The following IQSEC1 variants were observed in gnomAD, a reference collection of about 807,000 sequenced individuals.
The protein encoded by IQSEC1 is IQ motif and Sec7 domain ArfGEF 1.
Under a neutral mutation model 91.0 loss-of-function variants are expected in IQSEC1, and 31 were observed. That is an observed-to-expected ratio of 0.34 (90% CI 0.26 to 0.46). IQSEC1 has a LOEUF of 0.46. IQSEC1 is among the 20% of genes least tolerant of loss of function. The pLI is 1.00. For missense variants in IQSEC1, 1,388 were observed against 1,575.6 expected (o/e 0.88, Z 2.02); for synonymous variants, 699 against 662.6 (o/e 1.05, Z -0.84).
Position 12,899,817 on chromosome 3 carries a change from G to T in IQSEC1, c.*1166C>A, listed in dbSNP as rs576045174. On this transcript the variant is annotated 3_prime_UTR_variant, in exon 14 of 14. Transcript: ENST00000613206. The stretch of plus-strand genomic sequence containing the variant: ...TCTCTGAGGGCTTCGGCCTGGTGTG[G>T]GTTGGAGGCGGGATGAGGACGTTAT... 2.0e-6 allele frequency: 2 copies of T among 985,396 alleles called. No individual in the cohort carries two copies. Among genetic ancestry groups the T allele is most frequent in the East Asian group, 1.1e-4 (1 of 8,810 alleles). The allele number at this position is 985,396 out of a possible 1,614,324, so 61.0% of individuals were successfully genotyped here.
At chr3:13,173,467 C>T (rs2125004488) in intron 1 of IQSEC1, among the ~76,000 whole-genome samples, 1 of 152,354 alleles carries the variant, frequency 6.6e-6, no homozygotes, top group East Asian at 1.9e-4. Context: ...CCAGAGCAGA[C>T]TTGGCTGGCC....
intron 1 of IQSEC1, among the ~76,000 whole-genome samples, chr3:13,051,915 C>A (rs1232323538): frequency 6.6e-6 from 1 of 152,012 alleles, no homozygotes; most frequent in Non-Finnish European, 1.5e-5. Context: ...AAAAAAAAAA[C>A]TGTTTATTTT....
At chr3:12,917,166 C>T (rs1037438404) in intron 6 of IQSEC1, among the ~76,000 whole-genome samples, 15 of 152,312 alleles carry the variant, frequency 9.8e-5, no homozygotes, top group African/African-American at 3.4e-4. Context: ...CCCTGCCCCC[C>T]GACACTCATA....
At position 12,979,200 on chromosome 3, in the gene IQSEC1, C is replaced by G. The variant is rs1264788227; in HGVS notation, c.24-37335G>C. Among the ~76,000 whole-genome samples, 1 of 152,190 alleles carries G rather than the reference C, an allele frequency of 6.6e-6. No individual in the cohort carries two copies. Among genetic ancestry groups the G allele is most frequent in the Non-Finnish European group, 1.5e-5 (1 of 68,044 alleles). On this transcript the variant is annotated intron_variant, in intron 1 of 13. Coordinates refer to ENST00000613206, the MANE Select transcript of IQSEC1 (RefSeq NM_001134382.3). The surrounding 1 kb of genome is among the most constrained non-coding windows in gnomAD (Gnocchi z 4.3). Reference sequence around the variant, plus strand: ...TTATATCTGCTCCACAAGTGAAAAGCCAGCCTCACTAAGCATAAATTGAAT... The same window carrying G: ...TTATATCTGCTCCACAAGTGAAAAGGCAGCCTCACTAAGCATAAATTGAAT...
chr3:13,200,947 C>T (rs1456484193), intron 1 of IQSEC1, among the ~76,000 whole-genome samples: 5 of 152,186 alleles, frequency 3.3e-5, no homozygotes, highest in Non-Finnish European at 7.3e-5. Context: ...CACCTGGAAA[C>T]AGAAGTATCA....
At chr3:13,272,956 A>G (rs2125147652) in intron 1 of IQSEC1, among the ~76,000 whole-genome samples, 1 of 152,358 alleles carries the variant, frequency 6.6e-6, no homozygotes, top group Non-Finnish European at 1.5e-5. Flanking sequence ...CTGATTCTAA[A>G]TTCCATGACT....
At chr3:13,248,370 T>A (rs1695141147) in intron 1 of IQSEC1, among the ~76,000 whole-genome samples, 1 of 152,168 alleles carries the variant, frequency 6.6e-6, no homozygotes, top group African/African-American at 2.4e-5. Flanking sequence ...CCTGGCCTCA[T>A]CCCCACCTCC....
chr3:13,203,164 TAC>T (rs10533324), intron 1 of IQSEC1, among the ~76,000 whole-genome samples: 89,611 of 147,778 alleles, frequency 0.61, 27,643 homozygotes, highest in African/African-American at 0.75. Flanking sequence ...TTACCACTAC[TAC>T]ACACACACAC....
chr3:12,920,297 T>C, intron 6 of IQSEC1, 133 bp downstream of exon 6: 2 of 872,728 alleles, frequency 2.3e-6, no homozygotes, highest in South Asian at 3.1e-5. Context: ...GGCCCCTCCA[T>C]GCCAGACCCT....
At chr3:12,960,914 T>G (rs1010517301) in intron 1 of IQSEC1, among the ~76,000 whole-genome samples, 20 of 152,234 alleles carry the variant, frequency 1.3e-4, no homozygotes, top group Admixed American at 3.3e-4. Context: ...TGTTCCCATT[T>G]GACAGGCAAG....
intron 5 of IQSEC1, among the ~76,000 whole-genome samples, chr3:12,921,258 G>A (rs1696605917): frequency 1.3e-5 from 2 of 152,138 alleles, no homozygotes; most frequent in African/African-American, 4.8e-5. Context: ...CAGGAGCCCA[G>A]CTTAGTGCCC....
chr3:13,029,583 T>C (rs1299335766), intron 1 of IQSEC1, among the ~76,000 whole-genome samples: 1 of 152,260 alleles, frequency 6.6e-6, no homozygotes, highest in Non-Finnish European at 1.5e-5. Context: ...TTTGTTGTGC[T>C]GAGAGGCCTC....
At chr3:13,253,082 C>T (rs1483678471) in intron 1 of IQSEC1, among the ~76,000 whole-genome samples, 1 of 152,206 alleles carries the variant, frequency 6.6e-6, no homozygotes, top group East Asian at 1.9e-4. Context: ...TGTGAGGTTG[C>T]TTCTCGCTGT....
chr3:13,260,734 C>A (rs376434243), intron 1 of IQSEC1, among the ~76,000 whole-genome samples: 1 of 152,016 alleles, frequency 6.6e-6, no homozygotes, highest in South Asian at 2.1e-4. Flanking sequence ...ACCTTGGTGC[C>A]GGCTCCACAG....
chr3:13,072,455 C>G (rs1705467431), intron 1 of IQSEC1, among the ~76,000 whole-genome samples: 1 of 152,244 alleles, frequency 6.6e-6, no homozygotes, highest in Admixed American at 6.5e-5. Flanking sequence ...GCCCAGCACA[C>G]AGCCGCTCTG....
At chr3:13,146,827 C>CT (rs1559264202) in intron 2 of IQSEC1, among the ~76,000 whole-genome samples, 2 of 152,158 alleles carry the variant, frequency 1.3e-5, no homozygotes, top group African/African-American at 2.4e-5. Flanking sequence ...GAGTGAGACT[C>CT]TGTCCCTGCT....
At chr3:13,113,043 T>C (rs894759287) in intron 2 of IQSEC1, among the ~76,000 whole-genome samples, 1 of 152,228 alleles carries the variant, frequency 6.6e-6, no homozygotes, top group African/African-American at 2.4e-5. Flanking sequence ...AGAGCTGCTC[T>C]GGGAGCTGCT....
chr3:12,974,601 C>T (rs1438379162), intron 1 of IQSEC1, among the ~76,000 whole-genome samples: 2 of 152,206 alleles, frequency 1.3e-5, no homozygotes, highest in East Asian at 1.9e-4. Flanking sequence ...AGCCTTCCTG[C>T]AGGATTCAAG....
At chr3:13,034,636 G>A (rs972172958) in intron 1 of IQSEC1, among the ~76,000 whole-genome samples, 6 of 152,126 alleles carry the variant, frequency 3.9e-5, no homozygotes, top group South Asian at 2.1e-4. Context: ...CCCGTGACTC[G>A]CACTAGGAGA....
Sources: gnomAD v4.1 joint callset for allele counts (sites outside exome capture counted in the v4.1 genomes callset) on GRCh38, gnomAD v4.1.1 for gene constraint, Gnocchi (gnomAD v3.1) non-coding constraint, MANE v1.5 for transcripts, NCBI Gene and HGNC (gene_info 2026-07-23, HGNC 2026-07-21) for gene names.